NFAT5: variants seen among roughly 807,000 people sequenced by gnomAD.
The protein encoded by NFAT5 is nuclear factor of activated T cells 5.
In NFAT5, 31 loss-of-function variants were observed where a neutral mutation model predicts 166.5. The observed-to-expected ratio is 0.19, with a 90% CI of 0.14 to 0.25. The LOEUF (loss-of-function observed/expected upper bound fraction) is 0.25. Ranked by LOEUF, NFAT5 falls within the 10% of genes least tolerant of loss-of-function variation. NFAT5 has a pLI of 1.00. For missense variants in NFAT5, 1,449 were observed against 1,821.8 expected (o/e 0.80, Z 3.72); for synonymous variants, 612 against 639.7 (o/e 0.96, Z 0.65).
At position 69,703,329 on chromosome 16, in the gene NFAT5, T is replaced by C. The variant is rs1006812135; in HGVS notation, c.*6978T>C. On this transcript the variant is annotated 3_prime_UTR_variant, in exon 15 of 15. Transcript: ENST00000349945. The stretch of plus-strand genomic sequence containing the variant: ...TAAGCTATCAGTATAGATATAGCTA[T>C]CCTTGGAGCTTATGTTTCAGACAAG... 2 of 152,792 alleles carry C rather than the reference T, an allele frequency of 1.3e-5. No homozygotes were observed. Among genetic ancestry groups the C allele is most frequent in the Non-Finnish European group, 2.9e-5 (2 of 68,040 alleles). 9.5% of individuals were successfully genotyped at this position (152,792 alleles called of 1,614,324 possible).
At chr16:69,612,150 A>G (rs746609075) in intron 2 of NFAT5, among the ~76,000 whole-genome samples, 2 of 152,210 alleles carry the variant, frequency 1.3e-5, no homozygotes, top group Non-Finnish European at 2.9e-5. Flanking sequence ...ACTTAGAATT[A>G]TTATCCAGTA....
chr16:69,646,468 A>G lies in NFAT5; in HGVS notation c.254-560A>G, dbSNP rs8053982. 4,136 of 792,404 alleles carry G rather than the reference A, an allele frequency of 5.2e-3. 114 individuals carry two copies. The African/African-American group carries it at 0.056, about 11-fold the overall frequency. The allele number at this position is 792,404 out of a possible 1,614,324, so 49.1% of individuals were successfully genotyped here. Reference sequence around the variant, plus strand: ...TTCTCATTTTATAATTGATATCTGGAATAATCAGCAGCTCTTTTCTCATTT... The same window carrying G: ...TTCTCATTTTATAATTGATATCTGGGATAATCAGCAGCTCTTTTCTCATTT... On this transcript the variant is annotated intron_variant, in intron 3 of 14. Coordinates refer to ENST00000349945, the MANE Select transcript of NFAT5 (RefSeq NM_138713.4).
Position 69,662,823 on chromosome 16 carries a change from C to T in NFAT5, c.1369+2924C>T, listed in dbSNP as rs1362980482. Among the ~76,000 whole-genome samples, 4 of 152,038 alleles carry T rather than the reference C, an allele frequency of 2.6e-5. No homozygotes were observed. The South Asian group carries it at 8.3e-4, about 32-fold the overall frequency. On this transcript the variant is annotated intron_variant, in intron 7 of 14. Transcript: ENST00000349945. Reference sequence around the variant, plus strand: ...AAAATAATTTGAATTTTATCCTGACCACTTAGGAAGCTTGATGCTTGAACT... The same window carrying T: ...AAAATAATTTGAATTTTATCCTGACTACTTAGGAAGCTTGATGCTTGAACT...
At chr16:69,578,924 G>A (rs1462692485) in intron 2 of NFAT5, among the ~76,000 whole-genome samples, 4 of 151,542 alleles carry the variant, frequency 2.6e-5, no homozygotes, top group African/African-American at 9.7e-5. Flanking sequence ...ACCCAGGCTG[G>A]AGTGCAGTGG....
chr16:69,654,299 G>A (rs747049891), intron 5 of NFAT5, among the ~76,000 whole-genome samples: 3 of 152,196 alleles, frequency 2.0e-5, no homozygotes, highest in African/African-American at 4.8e-5. Context: ...AGTATTTTAA[G>A]TTAGGAGTAG....
intron 2 of NFAT5, among the ~76,000 whole-genome samples, chr16:69,577,841 A>G (rs1296282847): frequency 1.3e-5 from 2 of 151,972 alleles, no homozygotes; most frequent in African/African-American, 4.8e-5. Context: ...AACAGAAGAA[A>G]CAGTATTAAT....
chr16:69,687,336 GA>G (rs2037346765), intron 11 of NFAT5, among the ~76,000 whole-genome samples: 1 of 151,236 alleles, frequency 6.6e-6, no homozygotes, highest in African/African-American at 2.4e-5. Flanking sequence ...AGCTAGTTGG[GA>G]GGCTGAGACA....
chr16:69,592,049 A>G (rs928593755), intron 2 of NFAT5, among the ~76,000 whole-genome samples: 4 of 151,250 alleles, frequency 2.6e-5, no homozygotes, highest in Admixed American at 6.6e-5. Context: ...CCTACCAATA[A>G]TTCTTAAAAG....
intron 7 of NFAT5, among the ~76,000 whole-genome samples, chr16:69,668,190 TGAACTCCTGACCTCCTC>T (rs1156418637): frequency 6.6e-6 from 1 of 152,068 alleles, no homozygotes; most frequent in Admixed American, 6.6e-5. Context: ...CTGACCAACT[TGAACTCCTGACCTCCTC>T]GAACTCCTGA....
intron 4 of NFAT5, chr16:69,648,902 G>C: frequency 1.0e-6 from 1 of 953,364 alleles, no homozygotes; most frequent in Non-Finnish European, 1.2e-6. Context: ...CACTCCCTCA[G>C]TACATTTTAA....
At chr16:69,613,572 C>T (rs1026499881) in intron 2 of NFAT5, among the ~76,000 whole-genome samples, 5 of 152,068 alleles carry the variant, frequency 3.3e-5, no homozygotes, top group Non-Finnish European at 5.9e-5. Flanking sequence ...TCTTTTTGTT[C>T]AGGTTTGCTT....
chr16:69,570,149 A>C (rs2016345700), intron 2 of NFAT5, among the ~76,000 whole-genome samples: 1 of 152,174 alleles, frequency 6.6e-6, no homozygotes, highest in African/African-American at 2.4e-5. Flanking sequence ...TTTATGCCTA[A>C]ATACTTTCGT....
chr16:69,588,288 A>G (rs557508335), intron 2 of NFAT5, among the ~76,000 whole-genome samples: 1 of 152,272 alleles, frequency 6.6e-6, no homozygotes, highest in East Asian at 1.9e-4. Context: ...ATTTCCTGAT[A>G]GATAACCTGA....
chr16:69,675,722 C>T (rs1342098091), intron 9 of NFAT5, among the ~76,000 whole-genome samples: 1 of 152,110 alleles, frequency 6.6e-6, no homozygotes, highest in Admixed American at 6.6e-5. Context: ...TCACCTCAAC[C>T]TCCGCCCCCC....
chr16:69,686,312 C>T (rs1481063860), intron 11 of NFAT5, among the ~76,000 whole-genome samples: 1 of 151,800 alleles, frequency 6.6e-6, no homozygotes, highest in African/African-American at 2.4e-5. Flanking sequence ...AAGATTGTGC[C>T]ACTGCTCTCC....
At position 69,693,794 on chromosome 16, in the gene NFAT5, C is replaced by G; in HGVS notation, c.3969C>G (p.Asn1323Lys). Reference protein sequence around the residue: ...QNPMANQEQQNQSIFHQQSNM... With the variant: ...QNPMANQEQQKQSIFHQQSNM... ...CAATGGCTAATCAGGAGCAACAGAACCAGTCAATTTTTCACCAACAAAGTA... is the reference window on the plus strand; with the variant it reads ...CAATGGCTAATCAGGAGCAACAGAAGCAGTCAATTTTTCACCAACAAAGTA... The change falls in exon 13 of 15, where the codon AAC becomes AAG. Residue 1323 changes from asparagine to lysine, a missense_variant. By Grantham distance (94) the Asn-to-Lys change is moderately conservative. Coordinates refer to ENST00000349945, the MANE Select transcript of NFAT5 (RefSeq NM_138713.4). 1 of 1,614,168 alleles carries G rather than the reference C, an allele frequency of 6.2e-7. No homozygotes were observed.
rs151030645 is a variant in NFAT5 at position 69,682,680 on chromosome 16, A to G, written c.1691-2207A>G. ...ACATGATTTATAAGTAGAAATTTAA[A>G]TTTTTTTCAAGGATTAGCTTATATT... On this transcript the variant is annotated intron_variant, in intron 10 of 14. Transcript: ENST00000349945. Among the ~76,000 whole-genome samples the G allele has an allele frequency of 2.2e-3, 339 of 152,232 alleles. 2 individuals carry two copies. Among genetic ancestry groups the G allele is most frequent in the South Asian group, 5.8e-3 (28 of 4,816 alleles).
chr16:69,598,761 AC>A (rs2151537198), intron 2 of NFAT5, among the ~76,000 whole-genome samples: 1 of 152,256 alleles, frequency 6.6e-6, no homozygotes, highest in Admixed American at 6.5e-5. Context: ...ACGATGGCTC[AC>A]GCCTGTAATC....
chr16:69,627,664 G>A (rs980015573), intron 3 of NFAT5, among the ~76,000 whole-genome samples: 52 of 152,142 alleles, frequency 3.4e-4, no homozygotes, highest in African/African-American at 1.2e-3. Context: ...CCTGGTTGAA[G>A]GCAGGAAAAC....
Sources: gnomAD v4.1 joint callset for allele counts (sites outside exome capture counted in the v4.1 genomes callset) on GRCh38, gnomAD v4.1.1 for gene constraint, MANE v1.5 for transcripts, NCBI Gene and HGNC (gene_info 2026-07-23, HGNC 2026-07-21) for gene names.